HMCN1: variants seen among roughly 807,000 people sequenced by gnomAD.
The protein encoded by HMCN1 is hemicentin 1, also known as hemicentin-1.
HMCN1 carries 321 observed loss-of-function variants against 625.9 expected under a neutral mutation model. That is an observed-to-expected ratio of 0.51 (90% CI 0.47 to 0.56). The LOEUF (loss-of-function observed/expected upper bound fraction) is 0.56. HMCN1 is among the 20% of genes least tolerant of loss of function. HMCN1 has a pLI of 0.00. For missense variants in HMCN1, 6,588 were observed against 6,887.3 expected, an observed-to-expected ratio of 0.96 and a Z score of 1.54; for synonymous variants, 2,425 against 2,417.6, an observed-to-expected ratio of 1.00 and a Z score of -0.09.
At chr1:185,745,780 A>G (rs1441996092) in intron 1 of HMCN1, among the ~76,000 whole-genome samples, 3 of 152,190 alleles carry the variant, frequency 2.0e-5, no homozygotes, top group African/African-American at 7.2e-5. Context: ...CAGTGTTAGT[A>G]TGACTAGTGC....
chr1:186,119,654 T>A, intron 78 of HMCN1, 91 bp from the exon 79 acceptor site: 2 of 1,261,902 alleles, frequency 1.6e-6, no homozygotes, highest in Non-Finnish European at 2.3e-6. Flanking sequence ...TTTAGAATTA[T>A]GAATTTGGGT....
At chr1:186,100,107 A>G (rs1273594792) in intron 68 of HMCN1, among the ~76,000 whole-genome samples, 1 of 152,016 alleles carries the variant, frequency 6.6e-6, no homozygotes, top group Non-Finnish European at 1.5e-5. Context: ...AGAATCACAG[A>G]CTGGTGCATT....
At position 185,772,038 on chromosome 1, in the gene HMCN1, G is replaced by A. The variant is rs201690777; in HGVS notation, c.268+36991G>A. Among the ~76,000 whole-genome samples, 270 of 152,226 alleles carry A rather than the reference G, an allele frequency of 1.8e-3. 3 individuals are homozygous for A. The highest frequency in any genetic ancestry group is 1.2e-3 in the East Asian group (6 of 5,172). ...GACTTGAGAGTGTGAGGCCACTCAC[G>A]GCAATGGGCTTAACACAGACAAGTT... On this transcript the variant is annotated intron_variant, in intron 1 of 106. Transcript: ENST00000271588.
intron 97 of HMCN1, among the ~76,000 whole-genome samples, chr1:186,156,846 G>A (rs1385753961): frequency 1.3e-5 from 2 of 152,112 alleles, no homozygotes; most frequent in Admixed American, 6.6e-5. Flanking sequence ...TATTTGTTGA[G>A]TGCCTACTAT....
Position 185,989,571 on chromosome 1 carries a change from G to A in HMCN1, c.3132G>A (p.Glu1044=). 2 of 1,614,066 alleles carry A rather than the reference G, an allele frequency of 1.2e-6. No individual in the cohort carries two copies. Among genetic ancestry groups the A allele is most frequent in the Non-Finnish European group, 1.7e-6 (2 of 1,179,982 alleles). ...TGTATGTGGTATCACCTGGAGGAGA[G>A]GAGAGTGGGGAGTATGTCTGCACTG... ...GSLYVVSPGG[E]ESGEYVCTAT... The change falls in exon 21 of 107, where the codon GAG becomes GAA. Residue 1044 remains glutamate (E), a synonymous_variant. Coordinates refer to ENST00000271588, the MANE Select transcript of HMCN1 (RefSeq NM_031935.3).
In HMCN1 at chr1:186,087,652, C is replaced by A. The variant is rs767725978; in HGVS notation, c.9363+7C>A. ...ACACATTAAGAAAGCTGAGGTGCAT[C>A]TTTTATTCTTGTTTGAGTGTCATGA... is the stretch of plus-strand genomic sequence containing the variant. On this transcript the variant is annotated splice_region_variant and intron_variant, in intron 60 of 106. Coordinates refer to ENST00000271588, the MANE Select transcript of HMCN1 (RefSeq NM_031935.3). 2.5e-6 allele frequency: 4 copies of A among 1,611,940 alleles called. No individual in the cohort carries two copies. In the East Asian group the frequency reaches 6.7e-5, roughly 27 times the overall value.
At chr1:186,055,286 T>A (rs998262521) in intron 44 of HMCN1, 107 bp from the exon 45 acceptor site, 1 of 1,023,470 alleles carries the variant, frequency 9.8e-7, no homozygotes, top group African/African-American at 1.6e-5. Context: ...TAGTTATTTA[T>A]ATTTTAACAT....
chr1:186,134,679 C>CATTTTTGTTCT (rs1302638015), intron 86 of HMCN1, among the ~76,000 whole-genome samples: 1 of 152,140 alleles, frequency 6.6e-6, no homozygotes, highest in African/African-American at 2.4e-5. Context: ...CAACAAAACA[C>CATTTTTGTTCT]ATTTTTGTTC....
rs1175510690 is a variant in HMCN1 at position 186,023,076 on chromosome 1, A to C, written c.5672A>C (p.Glu1891Ala). ...RVLQIAKTLL[E>A]DAGRYTCVAT... The stretch of plus-strand genomic sequence containing the variant: ...CTACAAATTGCCAAAACCCTGTTGG[A>C]AGATGCTGGCAGATACACATGTGTG... Residue 1891 changes from glutamate to alanine, a missense_variant, in exon 36 of 107, where the codon GAA becomes GCA. By Grantham distance (107) the Glu-to-Ala change is moderately radical. Coordinates refer to ENST00000271588, the MANE Select transcript of HMCN1 (RefSeq NM_031935.3). The C allele has an allele frequency of 6.2e-7, 1 of 1,613,488 alleles. No homozygotes were observed. The highest frequency in any genetic ancestry group is 8.5e-7 in the Non-Finnish European group (1 of 1,179,538).
At chr1:186,167,788 C>A (rs972827671) in intron 100 of HMCN1, among the ~76,000 whole-genome samples, 2 of 152,120 alleles carry the variant, frequency 1.3e-5, no homozygotes, top group Non-Finnish European at 2.9e-5. Context: ...ATTTAAGTTT[C>A]CTCCACCCCT....
chr1:186,172,122 A>G lies in HMCN1; in HGVS notation c.15805A>G (p.Thr5269Ala). ...TGGAATGACCAAGGCAGAAAATGGA[A>G]CCTGTATTGGTGAGTGTCTGGCTGT... ...PNGMTKAENG[T>A]CIDIDECKDG... Residue 5269 changes from threonine to alanine, a missense_variant, in exon 102 of 107, where the codon ACC becomes GCC. By Grantham distance (58) the Thr-to-Ala change is moderately conservative (BLOSUM62 0). Transcript: ENST00000271588. The G allele has an allele frequency of 6.2e-7, 1 of 1,613,730 alleles. No homozygotes were observed. The highest frequency in any genetic ancestry group is 8.5e-7 in the Non-Finnish European group (1 of 1,179,664).
chr1:185,917,114 G>T (rs1666745896), intron 6 of HMCN1, among the ~76,000 whole-genome samples: 1 of 152,008 alleles, frequency 6.6e-6, no homozygotes, highest in African/African-American at 2.4e-5. Flanking sequence ...ACATCATGTT[G>T]GGAGCTAGGA....
intron 1 of HMCN1, among the ~76,000 whole-genome samples, chr1:185,838,710 G>T (rs1661315213): frequency 6.6e-6 from 1 of 152,202 alleles, no homozygotes; most frequent in South Asian, 2.1e-4. Context: ...GTGAAAAGCT[G>T]TTGAGAGCAG....
At chr1:185,851,039 A>G (rs979261034) in intron 2 of HMCN1, among the ~76,000 whole-genome samples, 4 of 152,194 alleles carry the variant, frequency 2.6e-5, no homozygotes, top group African/African-American at 9.6e-5. Context: ...ACTAAAGGAT[A>G]TATTTTGTTC....
chr1:185,834,665 A>G (rs548682372), intron 1 of HMCN1, among the ~76,000 whole-genome samples: 4 of 152,312 alleles, frequency 2.6e-5, no homozygotes, highest in East Asian at 1.9e-4. Context: ...GAAGCAGGGC[A>G]TTACGTCCAG....
intron 93 of HMCN1, among the ~76,000 whole-genome samples, chr1:186,149,966 GATC>G (rs1650568847): frequency 6.6e-6 from 1 of 152,048 alleles, no homozygotes; most frequent in Admixed American, 6.6e-5. Context: ...TAACATCCAA[GATC>G]ACTGATCACA....
chr1:185,925,082 G>A lies in HMCN1; in HGVS notation c.1321G>A (p.Gly441Arg). ...PKVTMPEKTP[G>R]YYLQPGQIPC... Reference sequence around the variant, plus strand: ...AGTTACGATGCCTGAGAAAACCCCAGGATACTATCTGCAGCCGGGCCAAAT... The same window carrying A: ...AGTTACGATGCCTGAGAAAACCCCAAGATACTATCTGCAGCCGGGCCAAAT... Residue 441 changes from glycine (G) to arginine (R), a missense_variant, in exon 9 of 107, where the codon GGA (glycine) becomes AGA (arginine). Physicochemically the swap from Gly to Arg is moderately radical, Grantham distance 125. Coordinates refer to ENST00000271588, the MANE Select transcript of HMCN1 (RefSeq NM_031935.3). The A allele has an allele frequency of 6.2e-7, 1 of 1,613,760 alleles. No homozygotes were observed. The highest frequency in any genetic ancestry group is 1.1e-5 in the South Asian group (1 of 91,060).
At chr1:185,771,653 T>C (rs2102147699) in intron 1 of HMCN1, among the ~76,000 whole-genome samples, 1 of 152,314 alleles carries the variant, frequency 6.6e-6, no homozygotes, top group Non-Finnish European at 1.5e-5. Flanking sequence ...TGACTGGATT[T>C]AGTCACTGAT....
chr1:185,981,349 T>C (rs985935089), intron 17 of HMCN1, among the ~76,000 whole-genome samples: 4 of 151,516 alleles, frequency 2.6e-5, no homozygotes, highest in East Asian at 1.9e-4. Flanking sequence ...CACACACACA[T>C]ATTAGAGTTG....
Sources: allele counts gnomAD v4.1 joint callset (sites outside exome capture counted in the v4.1 genomes callset), GRCh38; gene constraint gnomAD v4.1.1; transcripts MANE v1.5; gene names NCBI Gene and HGNC (gene_info 2026-07-23, HGNC 2026-07-21).